Variants in SEC62 observed in about 807,000 individuals in gnomAD.
The protein encoded by SEC62 is SEC62 preprotein translocation factor.
Under a neutral mutation model 47.5 loss-of-function variants are expected in SEC62, and 10 were observed. That is an observed-to-expected ratio of 0.21 (90% CI 0.13 to 0.36). SEC62 has a LOEUF of 0.36. Ranked by LOEUF, SEC62 falls within the 10% of genes least tolerant of loss-of-function variation. The probability of loss-of-function intolerance (pLI) is 1.00; values close to 1 mark genes in which losing one functional copy is unlikely to be tolerated. For missense variants in SEC62, 327 were observed against 464.1 expected (o/e 0.70, Z 2.71); for synonymous variants, 136 against 150.5 (o/e 0.90, Z 0.71).
intron 3 of SEC62, among the ~76,000 whole-genome samples, chr3:169,981,025 T>C (rs907671902): frequency 3.3e-5 from 5 of 152,308 alleles, no homozygotes; most frequent in African/African-American, 9.6e-5. Flanking sequence ...GAGTAAAAAA[T>C]GTAAGACTAC....
chr3:169,991,408 GTAGAGAGAGAGGGAGGATAGA>G, intron 7 of SEC62, among the ~76,000 whole-genome samples: 1 of 152,168 alleles, frequency 6.6e-6, no homozygotes, highest in African/African-American at 2.4e-5. Context: ...AGGTAGATAG[GTAGAGAGAGAGGGAGGATAGA>G]TAGAGAGAGA....
chr3:169,995,073 T>C lies in SEC62; in HGVS notation c.*2010T>C, dbSNP rs1321737033. On this transcript the variant is annotated 3_prime_UTR_variant, in exon 8 of 8. Coordinates refer to ENST00000337002, the MANE Select transcript of SEC62 (RefSeq NM_003262.4). ...TGTGTACTTTAAACAAATATAAAAA[T>C]CAAAAGGCTGCCTCTATTACAATCC... 1 of 152,316 alleles carries C rather than the reference T, an allele frequency of 6.6e-6. No individual in the cohort carries two copies. Among genetic ancestry groups the C allele is most frequent in the African/African-American group, 2.4e-5 (1 of 41,586 alleles). 9.4% of individuals were successfully genotyped at this position (152,316 alleles called of 1,614,324 possible). A position where few individuals can be genotyped will look rare whatever the true frequency, so the allele number is the denominator to read the frequency against.
intron 6 of SEC62, 56 bp from the exon 7 acceptor site, chr3:169,988,184 G>GC (rs1715153252): frequency 6.3e-7 from 1 of 1,592,710 alleles, no homozygotes; most frequent in Non-Finnish European, 8.6e-7. Flanking sequence ...TGTTAGTGCA[G>GC]CCATACCATT....
intron 5 of SEC62, 91 bp from the exon 6 acceptor site, chr3:169,985,714 C>T (rs1265093235): frequency 1.2e-5 from 11 of 919,794 alleles, no homozygotes; most frequent in South Asian, 1.8e-5. Context: ...AGGTTGATGA[C>T]TGCTTTAAGG....
At chr3:169,989,978 T>C (rs1715200097) in intron 7 of SEC62, among the ~76,000 whole-genome samples, 1 of 146,608 alleles carries the variant, frequency 6.8e-6, no homozygotes, top group South Asian at 2.1e-4. Flanking sequence ...TATATATGAA[T>C]ATATATGATA....
chr3:169,989,964 A>G (rs1432356916), intron 7 of SEC62, among the ~76,000 whole-genome samples: 1 of 147,976 alleles, frequency 6.8e-6, no homozygotes, highest in Non-Finnish European at 1.5e-5. Flanking sequence ...TATATCATGT[A>G]TATTATATAT....
At position 169,993,902 on chromosome 3, in the gene SEC62, A is replaced by C. The variant is rs991991395; in HGVS notation, c.*839A>C. The C allele has an allele frequency of 1.3e-5, 2 of 152,666 alleles. No homozygotes were observed. The highest frequency in any genetic ancestry group is 2.9e-5 in the Non-Finnish European group (2 of 68,052). 9.5% of individuals were successfully genotyped at this position (152,666 alleles called of 1,614,324 possible). ...ACCATGTAAGGGTATGTTTTTAGAGAAATGGAAGTTTGAGTAACCCACAGA... is the reference window on the plus strand; with the variant it reads ...ACCATGTAAGGGTATGTTTTTAGAGCAATGGAAGTTTGAGTAACCCACAGA... On this transcript the variant is annotated 3_prime_UTR_variant, in exon 8 of 8. Transcript: ENST00000337002.
chr3:169,984,756 T>G (rs538985608), intron 5 of SEC62, among the ~76,000 whole-genome samples: 11 of 152,234 alleles, frequency 7.2e-5, no homozygotes. Context: ...GAACCTCTGG[T>G]GTTAAAAATT....
Position 169,995,008 on chromosome 3 carries a change from A to T in SEC62, c.*1945A>T, listed in dbSNP as rs1348627712. 2 of 152,170 alleles carry T rather than the reference A, an allele frequency of 1.3e-5. No homozygotes were observed. Among genetic ancestry groups the T allele is most frequent in the Non-Finnish European group, 2.9e-5 (2 of 68,004 alleles). 9.4% of individuals were successfully genotyped at this position (152,170 alleles called of 1,614,324 possible). A position where few individuals can be genotyped will look rare whatever the true frequency, so the allele number is the denominator to read the frequency against. On this transcript the variant is annotated 3_prime_UTR_variant, in exon 8 of 8. Transcript: ENST00000337002. ...CATTCTTACTATGGTTAGAAAGTGA[A>T]TTAGAAATTTCAGCTCAGTTTCTAT...
In SEC62 at chr3:169,995,365, T is replaced by A. The variant is rs1715349587; in HGVS notation, c.*2302T>A. The A allele has an allele frequency of 6.6e-6, 1 of 152,204 alleles. No individual in the cohort carries two copies. Among genetic ancestry groups the A allele is most frequent in the Non-Finnish European group, 1.5e-5 (1 of 68,024 alleles). 9.4% of individuals were successfully genotyped at this position (152,204 alleles called of 1,614,324 possible). A position where few individuals can be genotyped will look rare whatever the true frequency, so the allele number is the denominator to read the frequency against. On this transcript the variant is annotated 3_prime_UTR_variant, in exon 8 of 8. Transcript: ENST00000337002. ...AATGCATATGTGATTGTTCTTAAAG[T>A]CAATGTATTAAATAAGGTATTTTTC...
At chr3:169,987,778 A>G (rs1312385761) in intron 6 of SEC62, among the ~76,000 whole-genome samples, 1 of 152,232 alleles carries the variant, frequency 6.6e-6, no homozygotes, top group Non-Finnish European at 1.5e-5. Flanking sequence ...CACCTGGGGA[A>G]TCTTTCAGTC....
At chr3:169,978,460 T>G (rs999204932) in intron 3 of SEC62, 10 of 152,240 alleles carry the variant, frequency 6.6e-5, no homozygotes, top group Non-Finnish European at 1.5e-4. Context: ...GCACAGTGGT[T>G]CACGCCTGTA....
chr3:169,982,907 A>T lies in SEC62; in HGVS notation c.452A>T (p.Lys151Ile). Residue 151 changes from lysine (K) to isoleucine (I), a missense_variant, in exon 4 of 8, where the codon AAA becomes ATA. Transcript: ENST00000337002. ...AAAGATGGTGAAAAGGAAGAATCCAAAAAGGTGAGTTAATCTAAAATTAAG... is the reference window on the plus strand; with the variant it reads ...AAAGATGGTGAAAAGGAAGAATCCATAAAGGTGAGTTAATCTAAAATTAAG... ...KKKDGEKEES[K>I]KEETPGTPKK... is the part of the protein sequence containing the mutation. 1 of 1,565,114 alleles carries T rather than the reference A, an allele frequency of 6.4e-7. No homozygotes were observed. The highest frequency in any genetic ancestry group is 8.6e-7 in the Non-Finnish European group (1 of 1,166,828).
intron 6 of SEC62, among the ~76,000 whole-genome samples, chr3:169,987,750 T>G (rs1019689129): frequency 6.6e-6 from 1 of 152,106 alleles, no homozygotes; most frequent in Non-Finnish European, 1.5e-5. Context: ...CACCAAAAAA[T>G]ACATCTGTAG....
chr3:169,976,635 T>G (rs1003614353), intron 2 of SEC62, among the ~76,000 whole-genome samples: 2 of 152,218 alleles, frequency 1.3e-5, no homozygotes, highest in African/African-American at 2.4e-5. Flanking sequence ...CATATGCTTG[T>G]GATTAATAAG....
chr3:169,977,860 A>G (rs1462910256), intron 3 of SEC62, among the ~76,000 whole-genome samples: 1 of 152,234 alleles, frequency 6.6e-6, no homozygotes, highest in Non-Finnish European at 1.5e-5. Context: ...TCAGCCACAT[A>G]AGAACCCTCT....
chr3:169,979,273 T>C (rs1307304044), intron 3 of SEC62, among the ~76,000 whole-genome samples: 3 of 152,334 alleles, frequency 2.0e-5, no homozygotes, highest in South Asian at 2.1e-4. Context: ...TGCTGCCCAA[T>C]AGCAGACAAA....
rs368385451 is a variant in SEC62 at position 169,967,245 on chromosome 3, C to T, written c.36+387C>T. On this transcript the variant is annotated intron_variant, in intron 1 of 7. Coordinates refer to ENST00000337002, the MANE Select transcript of SEC62 (RefSeq NM_003262.4). Reference sequence around the variant, plus strand: ...GGCTCCTCCCCTCCCTTCACCCCATCCTCTGGCCTTAGCTGGCCTGAAATT... The same window carrying T: ...GGCTCCTCCCCTCCCTTCACCCCATTCTCTGGCCTTAGCTGGCCTGAAATT... Among the ~76,000 whole-genome samples the T allele has an allele frequency of 2.5e-4, 38 of 152,338 alleles. 1 individual carries two copies. Among genetic ancestry groups the T allele is most frequent in the African/African-American group, 8.9e-4 (37 of 41,574 alleles).
intron 3 of SEC62, among the ~76,000 whole-genome samples, chr3:169,981,944 G>A (rs776562060): frequency 4.6e-5 from 7 of 152,150 alleles, no homozygotes; most frequent in Admixed American, 4.6e-4. Flanking sequence ...TGAAACAAAA[G>A]GACCTGCTTA....
Sources: gnomAD v4.1 joint callset for allele counts (sites outside exome capture counted in the v4.1 genomes callset) on GRCh38, gnomAD v4.1.1 for gene constraint, MANE v1.5 for transcripts, NCBI Gene and HGNC (gene_info 2026-07-23, HGNC 2026-07-21) for gene names.